Variants in CALN1 observed in about 807,000 individuals in gnomAD.
CALN1 encodes the protein calneuron 1.
A neutral mutation model predicts 30.6 loss-of-function variants in CALN1; 17 were observed. The observed-to-expected ratio is 0.56, with a 90% confidence interval of 0.38 to 0.83. The LOEUF (loss-of-function observed/expected upper bound fraction) is 0.83. CALN1 is among the 40% of genes least tolerant of loss of function. CALN1 has a pLI of 0.00. For missense variants in CALN1, 291 were observed against 354.9 expected (o/e 0.82, Z 1.45); for synonymous variants, 156 against 131.4 (o/e 1.19, Z -1.28).
intron 5 of CALN1, among the ~76,000 whole-genome samples, chr7:71,979,452 T>C (rs1798275597): frequency 6.6e-6 from 1 of 152,098 alleles, no homozygotes; most frequent in African/African-American, 2.4e-5. Context: ...GCGTGCAACC[T>C]AGATCCCTCA....
chr7:72,249,851 C>T lies in CALN1; in HGVS notation c.244+28835G>A, dbSNP rs186377207. Reference sequence around the variant, plus strand: ...ACTTGGGAGGCTGAGGCAGGAGAATCACTTGAACCCAGGAGGTGGAGGTTG... The same window carrying T: ...ACTTGGGAGGCTGAGGCAGGAGAATTACTTGAACCCAGGAGGTGGAGGTTG... On this transcript the variant is annotated intron_variant, in intron 3 of 6. Coordinates refer to ENST00000395275, the MANE Select transcript of CALN1 (RefSeq NM_031468.4). 2.3e-3 allele frequency among the ~76,000 whole-genome samples: 354 copies of T among 151,564 alleles called. 3 individuals are homozygous for T. Among genetic ancestry groups the T allele is most frequent in the Middle Eastern group, 0.017 (5 of 292 alleles).
intron 2 of CALN1, among the ~76,000 whole-genome samples, chr7:72,332,142 A>G (rs1004407265): frequency 4.6e-5 from 7 of 152,218 alleles, no homozygotes; most frequent in Non-Finnish European, 7.4e-5. Flanking sequence ...GCTATTGTCA[A>G]TGGGAGACAG....
chr7:72,239,477 G>A (rs1794699475), intron 3 of CALN1, among the ~76,000 whole-genome samples: 1 of 152,134 alleles, frequency 6.6e-6, no homozygotes, highest in Non-Finnish European at 1.5e-5. Context: ...CTCTTGATGT[G>A]CAGAGATTTT....
chr7:72,182,227 G>C (rs1337092977), intron 3 of CALN1, among the ~76,000 whole-genome samples: 1 of 152,130 alleles, frequency 6.6e-6, no homozygotes, highest in Non-Finnish European at 1.5e-5. Flanking sequence ...GCACAACGCA[G>C]TGTGTCCTGT....
chr7:71,987,151 A>G (rs1798716882), intron 5 of CALN1, among the ~76,000 whole-genome samples: 1 of 151,990 alleles, frequency 6.6e-6, no homozygotes, highest in African/African-American at 2.4e-5. Context: ...TCTCCTCCAC[A>G]CTGAAGTCAC....
At chr7:72,034,795 CAAAA>C (rs57756121) in intron 4 of CALN1, among the ~76,000 whole-genome samples, 2 of 52,642 alleles carry the variant, frequency 3.8e-5, no homozygotes, top group African/African-American at 1.3e-4. Flanking sequence ...GACTCTGTCT[CAAAA>C]AAAAAAAAAA....
At chr7:72,080,175 T>C (rs764982150) in intron 4 of CALN1, among the ~76,000 whole-genome samples, 3 of 152,208 alleles carry the variant, frequency 2.0e-5, no homozygotes, top group Non-Finnish European at 4.4e-5. Context: ...TGAACCCAAC[T>C]ACACCTGTGC....
intron 4 of CALN1, among the ~76,000 whole-genome samples, chr7:72,039,959 C>G (rs185640645): frequency 5.3e-5 from 8 of 152,276 alleles, no homozygotes; most frequent in Admixed American, 4.6e-4. Context: ...CCAGCTCCAG[C>G]CCAGGCCTTT....
chr7:72,394,685 A>T (rs913624276), intron 2 of CALN1, among the ~76,000 whole-genome samples: 4 of 145,720 alleles, frequency 2.7e-5, no homozygotes, highest in Admixed American at 1.4e-4. Flanking sequence ...TTTTTGAGAC[A>T]CAGTCTCACT....
chr7:72,228,749 ATTTATTTATT>A (rs1295776254), intron 3 of CALN1, among the ~76,000 whole-genome samples: 7 of 41,638 alleles, frequency 1.7e-4, no homozygotes, highest in Non-Finnish European at 3.9e-4. Context: ...ATATTTATTT[ATTTATTTATT>A]TATTTATTTA....
intron 5 of CALN1, among the ~76,000 whole-genome samples, chr7:71,990,803 TCTTA>T (rs1205844963): frequency 5.9e-5 from 9 of 152,174 alleles, no homozygotes; most frequent in African/African-American, 1.9e-4. Context: ...ATAAACTTGC[TCTTA>T]CTTTACTCTA....
chr7:72,380,433 G>A (rs1445135998), intron 2 of CALN1, among the ~76,000 whole-genome samples: 6 of 152,164 alleles, frequency 3.9e-5, no homozygotes, highest in South Asian at 2.1e-4. Flanking sequence ...GGCCTGCCTG[G>A]ACAACATAGC....
At chr7:72,343,185 G>C (rs139403306) in intron 2 of CALN1, among the ~76,000 whole-genome samples, 11 of 152,212 alleles carry the variant, frequency 7.2e-5, no homozygotes. Context: ...ACATGAAGGG[G>C]CACAGGAAGG....
chr7:71,976,952 A>G (rs1412281896), intron 5 of CALN1, among the ~76,000 whole-genome samples: 1 of 152,150 alleles, frequency 6.6e-6, no homozygotes, highest in Non-Finnish European at 1.5e-5. Context: ...TTTCCAGAGC[A>G]CTTTCTTTCC....
intron 5 of CALN1, among the ~76,000 whole-genome samples, chr7:71,952,621 T>G (rs1039265662): frequency 5.9e-5 from 9 of 152,156 alleles, no homozygotes; most frequent in African/African-American, 2.2e-4. Flanking sequence ...CTGCATTACT[T>G]TCATGACCCA....
At chr7:72,359,207 C>A (rs1161023004) in intron 2 of CALN1, among the ~76,000 whole-genome samples, 1 of 152,126 alleles carries the variant, frequency 6.6e-6, no homozygotes, top group African/African-American at 2.4e-5. Flanking sequence ...ATTTTAGAAG[C>A]CAGACCATGT....
chr7:72,343,183 G>T (rs946766110), intron 2 of CALN1, among the ~76,000 whole-genome samples: 1 of 152,186 alleles, frequency 6.6e-6, no homozygotes, highest in Non-Finnish European at 1.5e-5. Flanking sequence ...AAACATGAAG[G>T]GGCACAGGAA....
At chr7:72,459,625 C>CAAAAA in the CALN1 span, among the ~76,000 whole-genome samples, 3 of 44,452 alleles carry the variant, frequency 6.7e-5, no homozygotes, top group Non-Finnish European at 1.0e-4. Context: ...AACCCTGTCT[C>CAAAAA]AAAAAAAAAA....
intron 2 of CALN1, among the ~76,000 whole-genome samples, chr7:72,317,248 G>A (rs1376252017): frequency 1.0e-4 from 12 of 115,064 alleles, no homozygotes; most frequent in Non-Finnish European, 1.8e-4. Flanking sequence ...GAAGGAAGGA[G>A]AGAGAAGGGG....
Sources: allele counts gnomAD v4.1 joint callset (sites outside exome capture counted in the v4.1 genomes callset), GRCh38; gene constraint gnomAD v4.1.1; transcripts MANE v1.5; gene names NCBI Gene and HGNC (gene_info 2026-07-23, HGNC 2026-07-21).